GRID2IP: variants seen among roughly 807,000 people sequenced by gnomAD.
GRID2IP encodes Grid2 interacting protein.
Under a neutral mutation model 114.3 loss-of-function variants are expected in GRID2IP, and 78 were observed. The ratio of observed to expected loss-of-function variants is 0.68; its 90% CI spans 0.57 to 0.82. The LOEUF (loss-of-function observed/expected upper bound fraction) is 0.82, where lower values mean the gene tolerates loss of function less well. Ranked by LOEUF, GRID2IP falls within the 40% of genes least tolerant of loss-of-function variation. The pLI is 0.00. For missense variants in GRID2IP, 1,727 were observed against 1,678.5 expected (o/e 1.03, Z -0.51); for synonymous variants, 809 against 724.0 (o/e 1.12, Z -1.89).
intron 2 of GRID2IP, among the ~76,000 whole-genome samples, chr7:6,533,541 G>C (rs980497824): frequency 6.6e-6 from 1 of 150,802 alleles, no homozygotes; most frequent in Non-Finnish European, 1.5e-5. Context: ...TAATTTTTTT[G>C]TGTGTAAACA....
chr7:6,549,247 C>A lies in GRID2IP; in HGVS notation c.429+1761G>T, dbSNP rs954098887. On this transcript the variant is annotated intron_variant, in intron 1 of 21. Transcript: ENST00000457091. ...TGCAAATCAGGGGTTGCTTGGGATT[C>A]AGGCCTGAGACCGACTCTATCCTCC... 3.9e-5 allele frequency among the ~76,000 whole-genome samples: 6 copies of A among 152,208 alleles called. No homozygotes were observed. In the East Asian group the frequency reaches 1.2e-3, roughly 29 times the overall value.
intron 7 of GRID2IP, among the ~76,000 whole-genome samples, chr7:6,518,469 G>A (rs896020015): frequency 1.3e-5 from 2 of 152,150 alleles, no homozygotes; most frequent in Non-Finnish European, 2.9e-5. Context: ...CGGGTGTCGT[G>A]GCTCACACCT....
At position 6,506,448 on chromosome 7, in the gene GRID2IP, C is replaced by T. The variant is rs1786589597; in HGVS notation, c.2545-541G>A. On this transcript the variant is annotated intron_variant, in intron 13 of 21. Coordinates refer to ENST00000457091, the MANE Select transcript of GRID2IP (RefSeq NM_001145118.2). The surrounding 1 kb of genome is among the most constrained non-coding windows in gnomAD (Gnocchi z 5.2). ...GGGTGGCTGCCAAAGGGAGAGAACC[C>T]AAAGGGAGGGCAGGCAGGGGAATGA... Among the ~76,000 whole-genome samples the T allele has an allele frequency of 6.6e-6, 1 of 152,132 alleles. No individual in the cohort carries two copies. The highest frequency in any genetic ancestry group is 1.5e-5 in the Non-Finnish European group (1 of 68,018).
At chr7:6,547,033 A>G (rs1327515551) in intron 1 of GRID2IP, among the ~76,000 whole-genome samples, 4 of 152,190 alleles carry the variant, frequency 2.6e-5, no homozygotes, top group South Asian at 2.1e-4. Context: ...GTTCTGCCCA[A>G]TGAGCATTGA....
rs1313973925 is a variant in GRID2IP, at chr7:6,508,656, G to A, written c.2128-255C>T. 2.0e-5 allele frequency among the ~76,000 whole-genome samples: 3 copies of A among 152,056 alleles called. No homozygotes were observed. Among genetic ancestry groups the A allele is most frequent in the Non-Finnish European group, 2.9e-5 (2 of 67,980 alleles). On this transcript the variant is annotated intron_variant, in intron 12 of 21. Coordinates refer to ENST00000457091, the MANE Select transcript of GRID2IP (RefSeq NM_001145118.2). This position sits in a 1 kb window ranked among gnomAD's most constrained non-coding sequence, Gnocchi z 5.6. ...CTCAGGCTGTGAGGGGGATAGCCTG[G>A]AATAAGGACAGGACCCTGTCACGGG...
rs963660337 is a variant in GRID2IP at position 6,516,019 on chromosome 7, C to A, written c.1269-1490G>T. 6.6e-6 allele frequency among the ~76,000 whole-genome samples: 1 copy of A among 151,728 alleles called. No individual in the cohort carries two copies. The highest frequency in any genetic ancestry group is 1.5e-5 in the Non-Finnish European group (1 of 67,938). ...GGCTGAGGCAGCAGAATCGCTTGAA[C>A]CCGGGAGGTGGAGGTTGCAGTGAGC... On this transcript the variant is annotated intron_variant, in intron 7 of 21. Coordinates refer to ENST00000457091, the MANE Select transcript of GRID2IP (RefSeq NM_001145118.2). This position sits in a 1 kb window ranked among gnomAD's most constrained non-coding sequence, Gnocchi z 4.3.
At chr7:6,515,790 AT>A (rs1327598486) in intron 7 of GRID2IP, among the ~76,000 whole-genome samples, 1 of 151,990 alleles carries the variant, frequency 6.6e-6, no homozygotes, top group Non-Finnish European at 1.5e-5. Context: ...TCTCAAAAAA[AT>A]AAATAAATAA....
chr7:6,520,894 T>C lies in GRID2IP; in HGVS notation c.1085-133A>G. 1 of 863,002 alleles carries C rather than the reference T, an allele frequency of 1.2e-6. No homozygotes were observed. 53.5% of individuals were successfully genotyped at this position (863,002 alleles called of 1,614,324 possible). A position where few individuals can be genotyped will look rare whatever the true frequency, so the allele number is the denominator to read the frequency against. On this transcript the variant is annotated intron_variant, in intron 6 of 21. Transcript: ENST00000457091. The surrounding 1 kb of genome is among the most constrained non-coding windows in gnomAD (Gnocchi z 4.6). ...GTCCAGTGCCATGCATGGGAAGGCA[T>C]GCCTGTGGCCCGACACCGGGGCCAA...
intron 4 of GRID2IP, among the ~76,000 whole-genome samples, chr7:6,524,424 G>A (rs1779468917): frequency 6.6e-6 from 1 of 152,174 alleles, no homozygotes; most frequent in Non-Finnish European, 1.5e-5. Flanking sequence ...TACAGGGAGG[G>A]AGAATTCAAT....
At chr7:6,499,892 A>G (rs1786364125) in intron 20 of GRID2IP, among the ~76,000 whole-genome samples, 1 of 150,914 alleles carries the variant, frequency 6.6e-6, no homozygotes, top group South Asian at 2.1e-4. Flanking sequence ...ACTATGCCAG[A>G]CTCATTTTCA....
At chr7:6,535,201 T>C (rs1010055951) in intron 2 of GRID2IP, among the ~76,000 whole-genome samples, 2 of 150,388 alleles carry the variant, frequency 1.3e-5, no homozygotes, top group African/African-American at 4.9e-5. Context: ...AGCAAATTGT[T>C]GTATTTTTAG....
chr7:6,532,528 A>ACCC lies in GRID2IP; in HGVS notation c.585-5762_585-5760dup, dbSNP rs889978021. 6.6e-6 allele frequency among the ~76,000 whole-genome samples: 1 copy of ACCC among 151,186 alleles called. No homozygotes were observed. The highest frequency in any genetic ancestry group is 2.4e-5 in the African/African-American group (1 of 41,030). On this transcript the variant is annotated intron_variant, in intron 2 of 21. Transcript: ENST00000457091. This position sits in a 1 kb window ranked among gnomAD's most constrained non-coding sequence, Gnocchi z 4.4. ...CTTGCAAGACCATCACTTTGCTGTG[A>ACCC]CCCCCCGTGGCTGTACTTCTTCCTG...
At chr7:6,538,106 G>A (rs1201410282) in intron 2 of GRID2IP, among the ~76,000 whole-genome samples, 3 of 152,150 alleles carry the variant, frequency 2.0e-5, no homozygotes, top group Admixed American at 6.6e-5. Flanking sequence ...CGTGGCTCAT[G>A]CCTGTAACTC....
At chr7:6,545,761 C>T (rs1779878605) in intron 1 of GRID2IP, among the ~76,000 whole-genome samples, 1 of 152,202 alleles carries the variant, frequency 6.6e-6, no homozygotes. Flanking sequence ...AATCAAAAAG[C>T]AGCCTTGCAT....
In GRID2IP at chr7:6,536,870, C is replaced by G. The variant is rs1232968710; in HGVS notation, c.584+2848G>C. 9.1e-6 allele frequency: 5 copies of G among 551,492 alleles called. No individual in the cohort carries two copies. The East Asian group carries it at 2.1e-4, about 23-fold the overall frequency. The allele number at this position is 551,492 out of a possible 1,614,324, so 34.2% of individuals were successfully genotyped here. A position where few individuals can be genotyped will look rare whatever the true frequency, so the allele number is the denominator to read the frequency against. ...GGTGGCCTCTTTCGGTGGTGGTCGC[C>G]TATGCTCCGCTGCAGAGCCGAGAGC... On this transcript the variant is annotated intron_variant, in intron 2 of 21. Transcript: ENST00000457091. The surrounding 1 kb of genome is among the most constrained non-coding windows in gnomAD (Gnocchi z 5.3).
At chr7:6,512,545 G>A (rs1048011311) in intron 8 of GRID2IP, among the ~76,000 whole-genome samples, 1 of 150,442 alleles carries the variant, frequency 6.6e-6, no homozygotes, top group African/African-American at 2.4e-5. Flanking sequence ...GAGTCTCACC[G>A]TGTTGCCCAG....
intron 11 of GRID2IP, 81 bp downstream of exon 11, chr7:6,510,202 G>T: frequency 1.1e-6 from 1 of 898,516 alleles, no homozygotes; most frequent in Non-Finnish European, 1.7e-6. Context: ...TGACCCTGAT[G>T]GAGCAGAGAA....
At chr7:6,518,347 GA>G (rs1779350636) in intron 7 of GRID2IP, among the ~76,000 whole-genome samples, 3 of 152,128 alleles carry the variant, frequency 2.0e-5, no homozygotes, top group Admixed American at 1.3e-4. Flanking sequence ...AAAAATCCCA[GA>G]AAAAGTTCAC....
At chr7:6,522,142 G>C (rs116931289) in intron 4 of GRID2IP, among the ~76,000 whole-genome samples, 185 bp from the exon 5 acceptor site, 4,290 of 152,198 alleles carry the variant, frequency 0.028, 135 homozygotes, top group South Asian at 0.068. Flanking sequence ...TTGAGCCCAG[G>C]AGTTCGAGAC....
Sources: allele counts gnomAD v4.1 joint callset (sites outside exome capture counted in the v4.1 genomes callset), GRCh38; gene constraint gnomAD v4.1.1; non-coding constraint Gnocchi (gnomAD v3.1); transcripts MANE v1.5; gene names NCBI Gene and HGNC (gene_info 2026-07-23, HGNC 2026-07-21).